The following CDC42BPB variants were observed in gnomAD, a reference collection of about 807,000 sequenced individuals.
CDC42BPB encodes CDC42 binding protein kinase beta.
A neutral mutation model predicts 214.9 loss-of-function variants in CDC42BPB; 37 were observed. The ratio of observed to expected loss-of-function variants is 0.17; its 90% confidence interval spans 0.13 to 0.23. The LOEUF (loss-of-function observed/expected upper bound fraction) is 0.23. Among genes scored for constraint, CDC42BPB ranks in the 10% least tolerant of loss-of-function variants. The pLI is 1.00. For synonymous variants in CDC42BPB, 931 were observed against 884.0 expected, an observed-to-expected ratio of 1.05 and a Z score of -0.94; for missense variants, 1,694 against 2,227.0, an observed-to-expected ratio of 0.76 and a Z score of 4.82.
At chr14:102,966,041 A>C (rs1893186944) in intron 18 of CDC42BPB, among the ~76,000 whole-genome samples, 1 of 152,216 alleles carries the variant, frequency 6.6e-6, no homozygotes, top group African/African-American at 2.4e-5. Context: ...ATCCAGTCTT[A>C]ACTTGACACC....
chr14:102,955,514 T>G (rs1244797768), intron 21 of CDC42BPB, among the ~76,000 whole-genome samples: 1 of 152,254 alleles, frequency 6.6e-6, no homozygotes, highest in Non-Finnish European at 1.5e-5. Context: ...CAGAGGTCGG[T>G]GGGCCCATGA....
intron 1 of CDC42BPB, among the ~76,000 whole-genome samples, chr14:103,020,817 A>G (rs913645332): frequency 5.9e-5 from 9 of 152,254 alleles, no homozygotes; most frequent in South Asian, 2.1e-4. Flanking sequence ...CGGCTGACGC[A>G]GCTACGGAAG....
At position 102,972,122 on chromosome 14, in the gene CDC42BPB, T is replaced by C. The variant is rs374954708; in HGVS notation, c.1681A>G (p.Lys561Glu). 6.2e-6 allele frequency: 10 copies of C among 1,614,158 alleles called. No individual in the cohort carries two copies. The highest frequency in any genetic ancestry group is 8.5e-6 in the Non-Finnish European group (10 of 1,180,058). ...EASERLKSQA[K>E]ELKDAHQQRK... ...TGCTGATGGGCATCTTTGAGTTCCT[T>C]GGCCTGGGATTTCAACCGCTCTGAG... The change falls in exon 13 of 37, where the codon AAG (lysine) becomes GAG (glutamate). Residue 561 changes from lysine to glutamate, a missense_variant. Around this residue, in one of 7 missense-constraint regions of CDC42BPB, gnomAD observed 462 missense variants for 513.5 expected, o/e 0.90. Transcript: ENST00000361246.
At chr14:102,936,412 G>A (rs1171086613) in intron 36 of CDC42BPB, among the ~76,000 whole-genome samples, 1 of 152,184 alleles carries the variant, frequency 6.6e-6, no homozygotes, top group Non-Finnish European at 1.5e-5. Context: ...ATATTATTTA[G>A]CAATAGAAAC....
chr14:103,008,946 A>G (rs1279940268), intron 2 of CDC42BPB, among the ~76,000 whole-genome samples: 1 of 152,204 alleles, frequency 6.6e-6, no homozygotes, highest in African/African-American at 2.4e-5. Flanking sequence ...TTTAAAGAAC[A>G]ATTCAAGTGC....
At chr14:102,964,927 CT>C (rs926008057) in intron 18 of CDC42BPB, 6,398 of 291,402 alleles carry the variant, frequency 0.022, no homozygotes, top group Non-Finnish European at 0.029. Flanking sequence ...CTTTTCTTTT[CT>C]TTTTTTTTTT....
rs552787110 is a variant in CDC42BPB, at chr14:102,987,856, T to C, written c.597-1276A>G. On this transcript the variant is annotated intron_variant, in intron 5 of 36. Coordinates refer to ENST00000361246, the MANE Select transcript of CDC42BPB (RefSeq NM_006035.4). ...GTGCAGTGGCTCACAAACTATAATCTCAGCACTTTGGGAGGCTGAGGCAAG... is the reference window on the plus strand; with the variant it reads ...GTGCAGTGGCTCACAAACTATAATCCCAGCACTTTGGGAGGCTGAGGCAAG... Among the ~76,000 whole-genome samples, 23 of 145,336 alleles carry C rather than the reference T, an allele frequency of 1.6e-4. 1 individual carries two copies. The highest frequency in any genetic ancestry group is 5.5e-4 in the African/African-American group (21 of 38,460).
intron 2 of CDC42BPB, among the ~76,000 whole-genome samples, chr14:103,009,149 G>T (rs943981541): frequency 6.6e-6 from 1 of 152,156 alleles, no homozygotes; most frequent in Non-Finnish European, 1.5e-5. Flanking sequence ...CAGTGACAGC[G>T]GCTTCCATAC....
Position 102,986,491 on chromosome 14 carries a change from C to A in CDC42BPB, c.686G>T (p.Gly229Val). The A allele has an allele frequency of 6.2e-7, 1 of 1,611,398 alleles. No homozygotes were observed. Among genetic ancestry groups the A allele is most frequent in the Non-Finnish European group, 8.5e-7 (1 of 1,177,770 alleles). ...FGSCLKMNDDGTVQSSVAVGT... is the reference protein window; with the variant it reads ...FGSCLKMNDDVTVQSSVAVGT... ...ATCTCCAACAAAAATACCTACAGTG[C>A]CATCATCATTCATCTTCAAACATGA... Residue 229 changes from glycine (G) to valine (V), a missense_variant, in exon 6 of 37, where the codon GGC becomes GTC. Gly to Val is a moderately radical substitution (Grantham distance 109). Transcript: ENST00000361246.
At chr14:103,047,240 C>T (rs561258821) in intron 1 of CDC42BPB, among the ~76,000 whole-genome samples, 6 of 143,830 alleles carry the variant, frequency 4.2e-5, no homozygotes, top group African/African-American at 1.0e-4. Flanking sequence ...GCTCAGATCA[C>T]GCCACTGCAC....
chr14:103,016,820 GA>G (rs36112674), intron 1 of CDC42BPB, among the ~76,000 whole-genome samples: 69,625 of 151,754 alleles, frequency 0.46, 16,613 homozygotes, highest in African/African-American at 0.56. Flanking sequence ...TCTGTCTACC[GA>G]AGAGTATCCG....
At chr14:103,039,247 C>T (rs144470233) in intron 1 of CDC42BPB, among the ~76,000 whole-genome samples, 4 of 140,936 alleles carry the variant, frequency 2.8e-5, no homozygotes, top group Non-Finnish European at 6.0e-5. Context: ...AAGGAGAACA[C>T]TTCCTAAATC....
rs1035927418 is a variant in CDC42BPB at position 103,057,251 on chromosome 14, G to A, written c.-78C>T. On this transcript the variant is annotated 5_prime_UTR_variant, in exon 1 of 37. Transcript: ENST00000361246. ...AGTCCGTCAGGGCGCGCCCTCGGGG[G>A]CTCGGCGGCTGCGAGCCCCGGCAGC... 20 of 1,194,190 alleles carry A rather than the reference G, an allele frequency of 1.7e-5. No individual in the cohort carries two copies. Among genetic ancestry groups the A allele is most frequent in the African/African-American group, 6.4e-5 (4 of 62,540 alleles). The allele number at this position is 1,194,190 out of a possible 1,614,324, so 74.0% of individuals were successfully genotyped here.
At position 102,972,611 on chromosome 14, in the gene CDC42BPB, C is replaced by T. The variant is rs538943884; in HGVS notation, c.1642-450G>A. Among the ~76,000 whole-genome samples, 35 of 146,106 alleles carry T rather than the reference C, an allele frequency of 2.4e-4. 1 individual carries two copies. In the South Asian group the frequency reaches 7.2e-3, roughly 30 times the overall value. On this transcript the variant is annotated intron_variant, in intron 12 of 36. Transcript: ENST00000361246. The stretch of plus-strand genomic sequence containing the variant: ...AGCTGAGGCAGGAGAACGGTGTGAA[C>T]CTGGGAGGCAGAGGTTGCAGTGAGC...
At chr14:103,040,561 C>G (rs985819083) in intron 1 of CDC42BPB, among the ~76,000 whole-genome samples, 7 of 152,022 alleles carry the variant, frequency 4.6e-5, no homozygotes, top group Non-Finnish European at 8.8e-5. Context: ...CGGGTTCAGG[C>G]GATTCTTTCA....
At chr14:103,003,810 G>A (rs997053189) in intron 4 of CDC42BPB, 118 bp downstream of exon 4, 4 of 733,822 alleles carry the variant, frequency 5.5e-6, no homozygotes, top group African/African-American at 5.3e-5. Flanking sequence ...GTTTTATCGA[G>A]TCCAATACAC....
At position 102,938,100 on chromosome 14, in the gene CDC42BPB, T is replaced by G. The variant is rs1232292110; in HGVS notation, c.5004+4A>C. ...CCTCAGCACTGGACCTGGGCAAGTCTCACCTCTTTGTCAAAGTCCTGGTCT... is the reference window on the plus strand; with the variant it reads ...CCTCAGCACTGGACCTGGGCAAGTCGCACCTCTTTGTCAAAGTCCTGGTCT... On this transcript the variant is annotated splice_donor_region_variant and intron_variant, in intron 36 of 36. Coordinates refer to ENST00000361246, the MANE Select transcript of CDC42BPB (RefSeq NM_006035.4). 1.2e-6 allele frequency: 2 copies of G among 1,613,794 alleles called. No individual in the cohort carries two copies. The highest frequency in any genetic ancestry group is 2.7e-5 in the African/African-American group (2 of 74,950).
chr14:102,967,515 G>A (rs1893264844), intron 16 of CDC42BPB, among the ~76,000 whole-genome samples: 1 of 152,198 alleles, frequency 6.6e-6, no homozygotes, highest in South Asian at 2.1e-4. Context: ...TCTGAGAAAC[G>A]TGTCCTTGCA....
chr14:103,032,071 C>T (rs551353285), intron 1 of CDC42BPB, among the ~76,000 whole-genome samples: 7 of 151,838 alleles, frequency 4.6e-5, no homozygotes, highest in African/African-American at 1.2e-4. Flanking sequence ...GAGCACCAGC[C>T]GGCGGCCAGC....
Sources: allele counts gnomAD v4.1 joint callset (sites outside exome capture counted in the v4.1 genomes callset), GRCh38; gene constraint gnomAD v4.1.1; regional missense constraint gnomAD v4.1.1; transcripts MANE v1.5; gene names NCBI Gene and HGNC (gene_info 2026-07-23, HGNC 2026-07-21).